Variants in PCDH7 observed in about 807,000 individuals in gnomAD.
The protein encoded by PCDH7 is protocadherin 7, also known as protocadherin-7.
Under a neutral mutation model 58.9 loss-of-function variants are expected in PCDH7, and 17 were observed. The ratio of observed to expected loss-of-function variants is 0.29; its 90% CI spans 0.20 to 0.43. The LOEUF (loss-of-function observed/expected upper bound fraction) is 0.43. PCDH7 is among the 20% of genes least tolerant of loss of function. PCDH7 has a pLI of 1.00. For missense variants in PCDH7, 1,274 were observed against 1,441.0 expected, an observed-to-expected ratio of 0.88 and a Z score of 1.88; for synonymous variants, 664 against 616.4, an observed-to-expected ratio of 1.08 and a Z score of -1.14.
At chr4:30,796,105 A>G (rs931576232) in intron 1 of PCDH7, among the ~76,000 whole-genome samples, 2 of 152,168 alleles carry the variant, frequency 1.3e-5, no homozygotes, top group Admixed American at 1.3e-4. Context: ...TAAAACCTTG[A>G]CATTCTCTTC....
At chr4:31,128,365 T>C (rs192910632) in intron 3 of PCDH7, among the ~76,000 whole-genome samples, 1 of 152,150 alleles carries the variant, frequency 6.6e-6, no homozygotes, top group East Asian at 1.9e-4. Context: ...CAGATAAAAT[T>C]TGTCAAACTG....
chr4:31,128,013 A>ATG (rs1718501812), intron 3 of PCDH7, among the ~76,000 whole-genome samples: 1 of 151,490 alleles, frequency 6.6e-6, no homozygotes, highest in Non-Finnish European at 1.5e-5. Context: ...ATGTGTGTCC[A>ATG]TGTGTATATA....
intron 1 of PCDH7, among the ~76,000 whole-genome samples, chr4:30,870,943 A>G (rs948001042): frequency 6.6e-6 from 1 of 151,946 alleles, no homozygotes; most frequent in South Asian, 2.1e-4. Flanking sequence ...ACTCCCTTTT[A>G]TGTGCAATAC....
intron 3 of PCDH7, among the ~76,000 whole-genome samples, chr4:31,114,660 C>T (rs1001603086): frequency 5.9e-5 from 9 of 151,470 alleles, no homozygotes; most frequent in East Asian, 1.9e-4. Context: ...CACACACACA[C>T]ACACACACGA....
At position 30,781,514 on chromosome 4, in the gene PCDH7, C is replaced by T. The variant is rs557625874; in HGVS notation, c.70+56918C>T. On this transcript the variant is annotated intron_variant, in intron 1 of 3. Transcript: ENST00000509759. Reference sequence around the variant, plus strand: ...GGCCAAGTATCTATGATGAGGAATTCGTATAATATTTTCTATCTCTCTATT... The same window carrying T: ...GGCCAAGTATCTATGATGAGGAATTTGTATAATATTTTCTATCTCTCTATT... Among the ~76,000 whole-genome samples, 7 of 151,064 alleles carry T rather than the reference C, an allele frequency of 4.6e-5. No homozygotes were observed. The South Asian group carries it at 8.4e-4, about 18-fold the overall frequency.
At chr4:31,037,414 A>C (rs1055697517) in intron 3 of PCDH7, among the ~76,000 whole-genome samples, 1 of 152,180 alleles carries the variant, frequency 6.6e-6, no homozygotes, top group Non-Finnish European at 1.5e-5. Context: ...TTCAGCTTAG[A>C]TATCAGGAGC....
At chr4:30,829,919 T>C (rs1003379179) in intron 1 of PCDH7, among the ~76,000 whole-genome samples, 2 of 152,098 alleles carry the variant, frequency 1.3e-5, no homozygotes, top group African/African-American at 4.8e-5. Flanking sequence ...ATTGACACCA[T>C]GTTATTTATT....
intron 3 of PCDH7, among the ~76,000 whole-genome samples, chr4:30,999,018 T>C (rs575530761): frequency 7.3e-4 from 111 of 152,204 alleles, no homozygotes; most frequent in Non-Finnish European, 1.3e-3. Flanking sequence ...TCCTTTACAG[T>C]GAAGGTACCT....
At chr4:31,042,421 A>AT (rs530495726) in intron 3 of PCDH7, among the ~76,000 whole-genome samples, 74 of 152,128 alleles carry the variant, frequency 4.9e-4, no homozygotes, top group African/African-American at 1.7e-3. Context: ...AGAATATTTG[A>AT]TTTTTTTGAT....
intron 1 of PCDH7, among the ~76,000 whole-genome samples, chr4:30,758,732 A>G (rs1719639156): frequency 6.6e-6 from 1 of 152,190 alleles, no homozygotes; most frequent in African/African-American, 2.4e-5. Flanking sequence ...GTATTGCACT[A>G]AATTAACTAC....
intron 2 of PCDH7, among the ~76,000 whole-genome samples, chr4:30,949,838 T>A (rs553266397): frequency 2.2e-4 from 34 of 152,236 alleles, no homozygotes; most frequent in Non-Finnish European, 3.8e-4. Flanking sequence ...GTGAAGGTCC[T>A]GCCTAGTTAA....
chr4:30,830,507 T>G (rs2109329972), intron 1 of PCDH7, among the ~76,000 whole-genome samples: 1 of 152,220 alleles, frequency 6.6e-6, no homozygotes, highest in East Asian at 1.9e-4. Context: ...TTTAGTTCCT[T>G]TTTTAATCAT....
In PCDH7 at chr4:30,886,639, C is replaced by T. The variant is rs1181038260; in HGVS notation, c.71-33514C>T. 4.4e-4 allele frequency among the ~76,000 whole-genome samples: 66 copies of T among 150,010 alleles called. 1 individual carries two copies. The Middle Eastern group carries it at 0.014, about 32-fold the overall frequency. Reference sequence around the variant, plus strand: ...CATTACTGGGTATATACCCAAAGGACTATAAATCATGCTGCTATAAAGACA... The same window carrying T: ...CATTACTGGGTATATACCCAAAGGATTATAAATCATGCTGCTATAAAGACA... On this transcript the variant is annotated intron_variant, in intron 1 of 3. Coordinates refer to the PCDH7 transcript ENST00000509759.
intron 2 of PCDH7, among the ~76,000 whole-genome samples, chr4:30,947,504 A>T (rs75139722): frequency 0.014 from 2,100 of 152,210 alleles, 46 homozygotes; most frequent in African/African-American, 0.048. Context: ...TTTCAAATAC[A>T]TCAAATGTAT....
intron 1 of PCDH7, among the ~76,000 whole-genome samples, chr4:30,792,766 T>C (rs969067261): frequency 1.3e-5 from 2 of 152,166 alleles, no homozygotes; most frequent in Non-Finnish European, 2.9e-5. Flanking sequence ...TGTGTCTAGC[T>C]GTTAAAGGCG....
intron 1 of PCDH7, among the ~76,000 whole-genome samples, chr4:30,771,782 T>C (rs1247606140): frequency 6.6e-6 from 1 of 152,178 alleles, no homozygotes; most frequent in Admixed American, 6.5e-5. Context: ...TTTCATAAAA[T>C]GCTTTATGAA....
chr4:30,952,700 A>C (rs1232153150), intron 3 of PCDH7, among the ~76,000 whole-genome samples: 1 of 152,138 alleles, frequency 6.6e-6, no homozygotes, highest in African/African-American at 2.4e-5. Context: ...AATGACTGAG[A>C]AGAAAAAGGG....
chr4:31,029,177 G>A (rs1754688625), intron 3 of PCDH7, among the ~76,000 whole-genome samples: 1 of 152,166 alleles, frequency 6.6e-6, no homozygotes, highest in Non-Finnish European at 1.5e-5. Flanking sequence ...TCTCTGACCA[G>A]CATAAAACAG....
intron 3 of PCDH7, among the ~76,000 whole-genome samples, chr4:30,978,707 T>C (rs960115895): frequency 3.1e-4 from 47 of 152,298 alleles, no homozygotes; most frequent in Admixed American, 2.9e-3. Flanking sequence ...ATTCAATAAG[T>C]GTTTTTCTCT....
Sources: allele counts gnomAD v4.1 joint callset (sites outside exome capture counted in the v4.1 genomes callset), GRCh38; gene constraint gnomAD v4.1.1; transcripts MANE v1.5; gene names NCBI Gene and HGNC (gene_info 2026-07-23, HGNC 2026-07-21).